Variants in PRICKLE1 observed in about 807,000 individuals in gnomAD.
PRICKLE1 encodes prickle planar cell polarity protein 1.
A neutral mutation model predicts 70.2 loss-of-function variants in PRICKLE1; 14 were observed. That is an observed-to-expected ratio of 0.20 (90% CI 0.13 to 0.31). The LOEUF is 0.31. Among genes scored for constraint, PRICKLE1 ranks in the 10% least tolerant of loss-of-function variants. The pLI, the probability that PRICKLE1 is intolerant of heterozygous loss-of-function variation, is 1.00. For missense variants in PRICKLE1, 821 were observed against 1,026.2 expected (o/e 0.80, Z 2.73); for synonymous variants, 357 against 379.9 (o/e 0.94, Z 0.70).
chr12:42,564,477 G>A (rs1027746346), intron 1 of PRICKLE1, among the ~76,000 whole-genome samples: 10 of 151,710 alleles, frequency 6.6e-5, no homozygotes, highest in South Asian at 2.1e-4. Flanking sequence ...GCGTGGTGGC[G>A]GGCACCTGTA....
chr12:42,460,765 CCAATCT>C, intron 7 of PRICKLE1, 100 bp from the exon 8 acceptor site: 1 of 1,405,660 alleles, frequency 7.1e-7, no homozygotes, highest in Non-Finnish European at 9.9e-7. Context: ...AAGAAAATTT[CCAATCT>C]CAATATTTGA....
chr12:42,585,042 T>C (rs920296789), intron 1 of PRICKLE1, among the ~76,000 whole-genome samples: 2 of 151,924 alleles, frequency 1.3e-5, no homozygotes, highest in African/African-American at 4.8e-5. Flanking sequence ...CTTTTTTTTT[T>C]TTTTCTGAAG....
At chr12:42,486,453 C>CT (rs1364677790) in intron 1 of PRICKLE1, among the ~76,000 whole-genome samples, 1 of 152,162 alleles carries the variant, frequency 6.6e-6, no homozygotes, top group Non-Finnish European at 1.5e-5. Context: ...TATACTATAC[C>CT]TGTACAAGTC....
chr12:42,507,587 G>T (rs997288921), intron 1 of PRICKLE1, among the ~76,000 whole-genome samples: 9 of 152,158 alleles, frequency 5.9e-5, no homozygotes, highest in African/African-American at 2.2e-4. Context: ...TTATATGGAA[G>T]AACTTTTTTT....
intron 1 of PRICKLE1, among the ~76,000 whole-genome samples, chr12:42,563,570 A>T (rs1034482831): frequency 1.3e-5 from 2 of 150,726 alleles, no homozygotes; most frequent in Non-Finnish European, 1.5e-5. Flanking sequence ...AGGCGTGGTG[A>T]TGGGCACCTG....
At chr12:42,519,101 G>A (rs556605103) in intron 1 of PRICKLE1, among the ~76,000 whole-genome samples, 1 of 150,228 alleles carries the variant, frequency 6.7e-6, no homozygotes, top group African/African-American at 2.4e-5. Context: ...TGAAAAATGT[G>A]TTCAACATGA....
intron 1 of PRICKLE1, among the ~76,000 whole-genome samples, chr12:42,570,751 C>T (rs1457759999): frequency 4.6e-5 from 7 of 152,176 alleles, no homozygotes; most frequent in East Asian, 3.9e-4. Context: ...ACCCGGGAGG[C>T]GGAGGTTGCA....
chr12:42,469,327 C>A, intron 4 of PRICKLE1, 123 bp downstream of exon 4: 1 of 1,121,798 alleles, frequency 8.9e-7, no homozygotes. Flanking sequence ...GCTAGGCTGT[C>A]TTTCTCTCAT....
intron 1 of PRICKLE1, among the ~76,000 whole-genome samples, chr12:42,502,235 C>CTA (rs5797801): frequency 1.0e-3 from 154 of 149,954 alleles, no homozygotes; most frequent in African/African-American, 3.2e-3. Flanking sequence ...ATACATATAC[C>CTA]TCTATATATA....
At chr12:42,587,690 C>T (rs1941005950) in intron 1 of PRICKLE1, among the ~76,000 whole-genome samples, 1 of 152,338 alleles carries the variant, frequency 6.6e-6, no homozygotes, top group African/African-American at 2.4e-5. Flanking sequence ...ATGACAGATT[C>T]CTGTCCCAGG....
chr12:42,500,746 C>T (rs1010290590), intron 1 of PRICKLE1, among the ~76,000 whole-genome samples: 7 of 151,064 alleles, frequency 4.6e-5, no homozygotes, highest in African/African-American at 1.5e-4. Context: ...AGCAGCATAT[C>T]TGGGCAATTC....
At chr12:42,475,618 C>T (rs1056783502) in intron 1 of PRICKLE1, among the ~76,000 whole-genome samples, 4 of 152,118 alleles carry the variant, frequency 2.6e-5, no homozygotes, top group African/African-American at 9.7e-5. Context: ...CCACTTTACC[C>T]ACGGAAGGCA....
At chr12:42,558,143 A>G (rs924570070) in intron 1 of PRICKLE1, among the ~76,000 whole-genome samples, 3 of 152,212 alleles carry the variant, frequency 2.0e-5, no homozygotes, top group African/African-American at 7.2e-5. Context: ...CACTCATACT[A>G]TGTACCTTTA....
chr12:42,565,789 G>A (rs1330582229), intron 1 of PRICKLE1, among the ~76,000 whole-genome samples: 5 of 152,200 alleles, frequency 3.3e-5, no homozygotes, highest in Non-Finnish European at 1.5e-5. Context: ...GGTGAGACAG[G>A]AGAGTGCTGA....
At chr12:42,479,080 G>A (rs745990203) in intron 1 of PRICKLE1, among the ~76,000 whole-genome samples, 1 of 152,134 alleles carries the variant, frequency 6.6e-6, no homozygotes, top group Non-Finnish European at 1.5e-5. Flanking sequence ...TTCCAAAGAT[G>A]GTCTAAGGAT....
chr12:42,524,193 A>G (rs566538271), intron 1 of PRICKLE1, among the ~76,000 whole-genome samples: 2 of 152,348 alleles, frequency 1.3e-5, no homozygotes, highest in Non-Finnish European at 2.9e-5. Flanking sequence ...TATAACAATC[A>G]AGGCTGTCTT....
intron 1 of PRICKLE1, among the ~76,000 whole-genome samples, chr12:42,516,675 T>C (rs1939617348): frequency 6.6e-6 from 1 of 152,060 alleles, no homozygotes; most frequent in Non-Finnish European, 1.5e-5. Context: ...GGAAGCCATC[T>C]GTCTGTGTTT....
In PRICKLE1 at chr12:42,468,712, G is replaced by A; in HGVS notation, c.502C>T (p.Leu168Phe). The change falls in exon 5 of 8, where the codon CTC (leucine) becomes TTC (phenylalanine). Residue 168 changes from leucine (L) to phenylalanine (F), a missense_variant. Physicochemically the swap from Leu to Phe is conservative, Grantham distance 22 (BLOSUM62 0). Coordinates refer to ENST00000345127, the MANE Select transcript of PRICKLE1 (RefSeq NM_153026.3). ...CFTCNELLVD[L>F]IYFYQDGKIH... Reference sequence around the variant, plus strand: ...TTTCCATCCTGATAAAAATAGATGAGGTCGACCAGCAGCTCATTACACGTG... The same window carrying A: ...TTTCCATCCTGATAAAAATAGATGAAGTCGACCAGCAGCTCATTACACGTG... The A allele has an allele frequency of 6.2e-7, 1 of 1,613,946 alleles. No homozygotes were observed. Among genetic ancestry groups the A allele is most frequent in the East Asian group, 2.2e-5 (1 of 44,898 alleles).
At position 42,457,383 on chromosome 12, in the gene PRICKLE1, A is replaced by T. The variant is rs904990412; in HGVS notation, c.*2426T>A. ...ATTATCCATCCTTTATAAGCAACAT[A>T]TTGCAACAGTCTTTTCTAAAAGGAT... is the stretch of plus-strand genomic sequence containing the variant. On this transcript the variant is annotated 3_prime_UTR_variant, in exon 8 of 8. Coordinates refer to ENST00000345127, the MANE Select transcript of PRICKLE1 (RefSeq NM_153026.3). The T allele has an allele frequency of 7.2e-5, 11 of 152,310 alleles. No homozygotes were observed. Among genetic ancestry groups the T allele is most frequent in the Admixed American group, 7.2e-4 (11 of 15,300 alleles). The allele number at this position is 152,310 out of a possible 1,614,324, so 9.4% of individuals were successfully genotyped here.
Sources: gnomAD v4.1 joint callset for allele counts (sites outside exome capture counted in the v4.1 genomes callset) on GRCh38, gnomAD v4.1.1 for gene constraint, MANE v1.5 for transcripts, NCBI Gene and HGNC (gene_info 2026-07-23, HGNC 2026-07-21) for gene names.